The following GMDS variants were observed in gnomAD, a reference collection of about 807,000 sequenced individuals.
GMDS encodes the protein GDP-mannose 4,6-dehydratase, also known as GDP-mannose 4,6 dehydratase.
In GMDS, 20 loss-of-function variants were observed where a neutral mutation model predicts 49.9. That is an observed-to-expected ratio of 0.40 (90% CI 0.28 to 0.58). GMDS has a LOEUF of 0.58. Ranked by LOEUF, GMDS falls within the 20% of genes least tolerant of loss-of-function variation. GMDS has a pLI of 0.42. For missense variants in GMDS, 362 were observed against 481.4 expected (o/e 0.75, Z 2.32); for synonymous variants, 177 against 178.6 (o/e 0.99, Z 0.07).
At chr6:1,730,681 T>C (rs1329790765) in intron 8 of GMDS, among the ~76,000 whole-genome samples, 1 of 152,110 alleles carries the variant, frequency 6.6e-6, no homozygotes, top group Non-Finnish European at 1.5e-5. Flanking sequence ...GTCAGGCCTA[T>C]TTCCTTCCAA....
intron 7 of GMDS, among the ~76,000 whole-genome samples, chr6:1,816,718 G>A (rs890547979): frequency 6.6e-6 from 1 of 152,104 alleles, no homozygotes; most frequent in Non-Finnish European, 1.5e-5. Context: ...AACATGTAAA[G>A]TTTAGTGTAT....
rs768102820 is a variant in GMDS at position 1,766,960 on chromosome 6, C to T, written c.772-24374G>A. ...GCTGAATCTGACTTAAGTGTAAAAT[C>T]GAGCAGGGATCCCCAAACCTTCCTC... On this transcript the variant is annotated intron_variant, in intron 7 of 10. Transcript: ENST00000380815. This position sits in a 1 kb window ranked among gnomAD's most constrained non-coding sequence, Gnocchi z 4.5. Among the ~76,000 whole-genome samples the T allele has an allele frequency of 7.9e-5, 12 of 152,146 alleles. No homozygotes were observed. Among genetic ancestry groups the T allele is most frequent in the Non-Finnish European group, 1.3e-4 (9 of 68,016 alleles).
chr6:2,187,441 T>C (rs1043079143), intron 1 of GMDS, among the ~76,000 whole-genome samples: 45 of 152,206 alleles, frequency 3.0e-4, no homozygotes, highest in Non-Finnish European at 5.0e-4. Context: ...CTTAGAGAAG[T>C]AGTGAGCTCT....
chr6:1,946,766 C>T (rs1009788955), intron 6 of GMDS, among the ~76,000 whole-genome samples: 4 of 152,094 alleles, frequency 2.6e-5, no homozygotes, highest in African/African-American at 9.7e-5. Context: ...TCAGGTACAG[C>T]CCCTGCACCA....
intron 1 of GMDS, among the ~76,000 whole-genome samples, chr6:2,225,906 G>C (rs1007198945): frequency 2.0e-5 from 3 of 152,028 alleles, no homozygotes; most frequent in Non-Finnish European, 2.9e-5. Context: ...ATCAGACCTC[G>C]ACCACAGGAG....
At chr6:1,800,158 G>A (rs1350795229) in intron 7 of GMDS, among the ~76,000 whole-genome samples, 2 of 151,934 alleles carry the variant, frequency 1.3e-5, no homozygotes, top group Non-Finnish European at 2.9e-5. Context: ...TTCTCGACAA[G>A]GTCTCCTGAA....
intron 1 of GMDS, among the ~76,000 whole-genome samples, chr6:2,211,274 G>A (rs931856709): frequency 2.0e-5 from 3 of 152,174 alleles, no homozygotes; most frequent in East Asian, 1.9e-4. Context: ...CATTACTAAC[G>A]CCCCTTACAC....
rs148667403 is a variant in GMDS, at chr6:1,797,748, C to T, written c.772-55162G>A. 4.2e-3 allele frequency among the ~76,000 whole-genome samples: 641 copies of T among 152,280 alleles called. 2 individuals carry two copies. Among genetic ancestry groups the T allele is most frequent in the African/African-American group, 0.015 (614 of 41,548 alleles). On this transcript the variant is annotated intron_variant, in intron 7 of 10. Transcript: ENST00000380815. ...AGAGCCGGTATCTGAACCCAGGAAG[C>T]TCAGAAATTATGTTCCAAGGGACAC...
chr6:1,932,064 G>A (rs1032358977), intron 6 of GMDS, among the ~76,000 whole-genome samples: 3 of 152,172 alleles, frequency 2.0e-5, no homozygotes, highest in Non-Finnish European at 4.4e-5. Flanking sequence ...CGCAACGCAC[G>A]TGAGAAATGC....
chr6:2,003,628 AT>A (rs1766974474), intron 4 of GMDS, among the ~76,000 whole-genome samples: 1 of 152,214 alleles, frequency 6.6e-6, no homozygotes, highest in Admixed American at 6.5e-5. Flanking sequence ...TTCCTTAATC[AT>A]AAAGTATTTG....
At chr6:1,711,171 G>C (rs1038774975) in intron 9 of GMDS, among the ~76,000 whole-genome samples, 2 of 152,250 alleles carry the variant, frequency 1.3e-5, no homozygotes, top group African/African-American at 4.8e-5. Flanking sequence ...AACAAGGTTA[G>C]GGACAACCCA....
intron 9 of GMDS, among the ~76,000 whole-genome samples, chr6:1,707,273 C>G (rs1765773104): frequency 6.6e-6 from 1 of 152,164 alleles, no homozygotes; most frequent in South Asian, 2.1e-4. Context: ...AAAACCAAGT[C>G]ATAAGGTTTT....
At chr6:2,231,900 A>G (rs1284195783) in intron 1 of GMDS, among the ~76,000 whole-genome samples, 1 of 152,234 alleles carries the variant, frequency 6.6e-6, no homozygotes, top group Non-Finnish European at 1.5e-5. Flanking sequence ...AATCAGATAA[A>G]TGAAATTGTT....
At chr6:2,043,354 C>G (rs893113851) in intron 4 of GMDS, 1 of 152,226 alleles carries the variant, frequency 6.6e-6, no homozygotes, top group Non-Finnish European at 1.5e-5. Context: ...ATCCTAGTTG[C>G]TTTCCTGATT....
intron 1 of GMDS, among the ~76,000 whole-genome samples, chr6:2,194,542 T>C (rs1469292592): frequency 6.6e-6 from 1 of 152,254 alleles, no homozygotes; most frequent in Non-Finnish European, 1.5e-5. Context: ...TTCCTTACTT[T>C]ATCAATCATG....
At chr6:1,957,912 C>T (rs1763729617) in intron 6 of GMDS, among the ~76,000 whole-genome samples, 1 of 152,116 alleles carries the variant, frequency 6.6e-6, no homozygotes, top group South Asian at 2.1e-4. Flanking sequence ...AAAGAATCTT[C>T]CCAACTCAGC....
intron 4 of GMDS, among the ~76,000 whole-genome samples, chr6:2,091,809 G>A (rs1237846457): frequency 4.6e-5 from 7 of 151,960 alleles, no homozygotes; most frequent in Non-Finnish European, 1.0e-4. Context: ...AGACTGAGGT[G>A]GGAGGATCCT....
At chr6:2,105,438 T>C (rs889844529) in intron 4 of GMDS, among the ~76,000 whole-genome samples, 8 of 152,124 alleles carry the variant, frequency 5.3e-5, no homozygotes, top group African/African-American at 1.2e-4. Context: ...GGACTGACCA[T>C]ACTGGCTCTG....
At chr6:1,905,043 C>T (rs911980323) in intron 7 of GMDS, among the ~76,000 whole-genome samples, 2 of 152,244 alleles carry the variant, frequency 1.3e-5, no homozygotes, top group African/African-American at 4.8e-5. Flanking sequence ...CAAGTAAGAA[C>T]AGCACAAGCT....
Sources: gnomAD v4.1 joint callset for allele counts (sites outside exome capture counted in the v4.1 genomes callset) on GRCh38, gnomAD v4.1.1 for gene constraint, Gnocchi (gnomAD v3.1) non-coding constraint, MANE v1.5 for transcripts, NCBI Gene and HGNC (gene_info 2026-07-23, HGNC 2026-07-21) for gene names.